LRRC1: variants seen among roughly 807,000 people sequenced by gnomAD.
The protein encoded by LRRC1 is leucine-rich repeat-containing protein 1.
A neutral mutation model predicts 69.9 loss-of-function variants in LRRC1; 28 were observed. That is an observed-to-expected ratio of 0.40 (90% CI 0.30 to 0.55). The LOEUF (loss-of-function observed/expected upper bound fraction) is 0.55, where lower values mean the gene tolerates loss of function less well. Ranked by LOEUF, LRRC1 falls within the 20% of genes least tolerant of loss-of-function variation. The pLI is 0.47. For synonymous variants in LRRC1, 236 were observed against 240.2 expected (o/e 0.98, Z 0.16); for missense variants, 498 against 609.0 (o/e 0.82, Z 1.92).
chr6:53,870,306 G>A (rs1024097125), intron 2 of LRRC1, among the ~76,000 whole-genome samples: 1 of 152,210 alleles, frequency 6.6e-6, no homozygotes, highest in East Asian at 1.9e-4. Context: ...TAATATTAAA[G>A]CCTTCTACCT....
chr6:53,797,536 C>T (rs1764337625), intron 1 of LRRC1, among the ~76,000 whole-genome samples: 2 of 152,176 alleles, frequency 1.3e-5, no homozygotes, highest in Admixed American at 6.5e-5. Flanking sequence ...TCTGCTGCTC[C>T]TGCTCCAAAC....
At chr6:53,867,105 T>A (rs776593931) in intron 2 of LRRC1, among the ~76,000 whole-genome samples, 2 of 152,116 alleles carry the variant, frequency 1.3e-5, no homozygotes, top group Non-Finnish European at 2.9e-5. Context: ...TTACCAGCTG[T>A]GTAAACTTGG....
At chr6:53,922,574 G>T (rs1768769144) in intron 13 of LRRC1, 61 bp from the exon 14 acceptor site, 2 of 1,438,768 alleles carry the variant, frequency 1.4e-6, no homozygotes, top group African/African-American at 1.4e-5. Flanking sequence ...CCTTGAAGCT[G>T]CATGTTTTGA....
intron 1 of LRRC1, among the ~76,000 whole-genome samples, chr6:53,826,216 G>A (rs1235766197): frequency 2.0e-5 from 2 of 99,242 alleles, no homozygotes; most frequent in African/African-American, 8.3e-5. Flanking sequence ...TTTTTTTTTT[G>A]GACTCCTGAT....
chr6:53,907,202 A>G (rs1393983922), intron 10 of LRRC1, among the ~76,000 whole-genome samples: 2 of 152,214 alleles, frequency 1.3e-5, no homozygotes, highest in Non-Finnish European at 2.9e-5. Flanking sequence ...TCTTCCAAAA[A>G]TATATTGCTT....
intron 10 of LRRC1, among the ~76,000 whole-genome samples, chr6:53,905,983 C>T (rs762980143): frequency 3.2e-4 from 48 of 152,300 alleles, no homozygotes; most frequent in Admixed American, 1.0e-3. Context: ...GTTGAATTTA[C>T]TCTTGCTGAA....
At chr6:53,854,425 G>A (rs1193875077) in intron 2 of LRRC1, among the ~76,000 whole-genome samples, 1 of 152,196 alleles carries the variant, frequency 6.6e-6, no homozygotes, top group Non-Finnish European at 1.5e-5. Flanking sequence ...TTGTTGAAAA[G>A]CAAAGAGAAC....
chr6:53,795,438 G>T (rs989882490), intron 1 of LRRC1, 23 bp downstream of exon 1: 3 of 1,599,106 alleles, frequency 1.9e-6, no homozygotes, highest in Non-Finnish European at 2.6e-6. Flanking sequence ...CCTCACCTGA[G>T]CGCTCTGCCC....
At chr6:53,866,396 G>C (rs1408844937) in intron 2 of LRRC1, among the ~76,000 whole-genome samples, 1 of 152,158 alleles carries the variant, frequency 6.6e-6, no homozygotes, top group Non-Finnish European at 1.5e-5. Flanking sequence ...TCCAGTCCCT[G>C]TGGGGTTAGT....
chr6:53,823,070 C>G (rs997545670), intron 1 of LRRC1, among the ~76,000 whole-genome samples: 1 of 152,146 alleles, frequency 6.6e-6, no homozygotes, highest in African/African-American at 2.4e-5. Flanking sequence ...TCTCCAGGTC[C>G]CTTGATCCTC....
At position 53,916,295 on chromosome 6, in the gene LRRC1, A is replaced by C. The variant is rs867029492; in HGVS notation, c.1106+2326A>C. ...CAATGGTTGTCAATTGGGAAATAGGAAATAGCTTATACTTTTGAATTTTGT... is the reference window on the plus strand; with the variant it reads ...CAATGGTTGTCAATTGGGAAATAGGCAATAGCTTATACTTTTGAATTTTGT... On this transcript the variant is annotated intron_variant, in intron 11 of 13. Transcript: ENST00000370888. 5.9e-5 allele frequency among the ~76,000 whole-genome samples: 9 copies of C among 152,228 alleles called. No homozygotes were observed. In the South Asian group the frequency reaches 1.9e-3, roughly 32 times the overall value.
At chr6:53,842,969 A>G (rs9463986) in intron 2 of LRRC1, among the ~76,000 whole-genome samples, 103 of 152,270 alleles carry the variant, frequency 6.8e-4, no homozygotes, top group African/African-American at 2.4e-3. Flanking sequence ...TTAAATGGGT[A>G]CCTTGGTTTA....
chr6:53,906,693 G>A (rs372162929), intron 10 of LRRC1, among the ~76,000 whole-genome samples: 3 of 152,158 alleles, frequency 2.0e-5, no homozygotes, highest in Non-Finnish European at 2.9e-5. Flanking sequence ...TTTTCATGAC[G>A]TGAAAAGTGA....
intron 4 of LRRC1, among the ~76,000 whole-genome samples, chr6:53,886,472 C>T (rs1038316291): frequency 1.3e-5 from 2 of 152,086 alleles, no homozygotes; most frequent in Non-Finnish European, 2.9e-5. Flanking sequence ...TAAATGTTTG[C>T]AAAGCAAAAA....
At chr6:53,892,011 T>TATACACACACACAC (rs1428852703) in intron 4 of LRRC1, among the ~76,000 whole-genome samples, 2,139 of 135,218 alleles carry the variant, frequency 0.016, 23 homozygotes, top group African/African-American at 0.019. Flanking sequence ...TATATATATA[T>TATACACACACACAC]ACACACACAC....
chr6:53,869,797 T>C (rs1051231222), intron 2 of LRRC1, among the ~76,000 whole-genome samples: 1 of 152,160 alleles, frequency 6.6e-6, no homozygotes, highest in Non-Finnish European at 1.5e-5. Flanking sequence ...CCCAAGGAAC[T>C]TGAGAGCTGG....
At chr6:53,893,107 C>T (rs185344858) in intron 4 of LRRC1, among the ~76,000 whole-genome samples, 34 of 152,208 alleles carry the variant, frequency 2.2e-4, no homozygotes, top group Admixed American at 2.0e-3. Flanking sequence ...TTCTGAAGAC[C>T]CTGACTCAAG....
At chr6:53,850,380 C>T (rs1766087153) in intron 2 of LRRC1, among the ~76,000 whole-genome samples, 1 of 152,142 alleles carries the variant, frequency 6.6e-6, no homozygotes, top group Non-Finnish European at 1.5e-5. Flanking sequence ...GTGGGTTTCT[C>T]AGTTGGGTTG....
chr6:53,902,861 A>T lies in LRRC1; in HGVS notation c.906+114A>T, dbSNP rs1768103282. 9.0e-6 allele frequency: 6 copies of T among 663,448 alleles called. No homozygotes were observed. In the Admixed American group the frequency reaches 1.5e-4, roughly 17 times the overall value. The allele number at this position is 663,448 out of a possible 1,614,324, so 41.1% of individuals were successfully genotyped here. ...TCATATTACATCCCAAAACGGTCTT[A>T]CAAAGCAAATGCATGACCTAAAGAT... On this transcript the variant is annotated intron_variant, in intron 9 of 13. Coordinates refer to ENST00000370888, the MANE Select transcript of LRRC1 (RefSeq NM_018214.5).
Sources: allele counts gnomAD v4.1 joint callset (sites outside exome capture counted in the v4.1 genomes callset), GRCh38; gene constraint gnomAD v4.1.1; transcripts MANE v1.5; gene names NCBI Gene and HGNC (gene_info 2026-07-23, HGNC 2026-07-21).